Variants in NCKAP5 observed in about 807,000 individuals in gnomAD.
NCKAP5 encodes nck-associated protein 5.
In NCKAP5, 92 loss-of-function variants were observed where a neutral mutation model predicts 167.0. The ratio of observed to expected loss-of-function variants is 0.55; its 90% CI spans 0.47 to 0.66. The LOEUF (loss-of-function observed/expected upper bound fraction) is 0.66, where lower values mean the gene tolerates loss of function less well. Ranked by LOEUF, NCKAP5 falls within the 30% of genes least tolerant of loss-of-function variation. The pLI, the probability that NCKAP5 is intolerant of heterozygous loss-of-function variation, is 0.00. For synonymous variants in NCKAP5, 891 were observed against 877.4 expected, an observed-to-expected ratio of 1.02 and a Z score of -0.27; for missense variants, 2,378 against 2,315.0, an observed-to-expected ratio of 1.03 and a Z score of -0.56.
chr2:133,528,314 A>T (rs986642375), intron 2 of NCKAP5, among the ~76,000 whole-genome samples: 2 of 117,558 alleles, frequency 1.7e-5, no homozygotes, highest in Non-Finnish European at 3.4e-5. Context: ...CAAAACTTCA[A>T]TTACTGGGCC....
intron 6 of NCKAP5, among the ~76,000 whole-genome samples, chr2:133,004,162 A>G (rs1205286591): frequency 6.6e-6 from 1 of 152,224 alleles, no homozygotes; most frequent in Non-Finnish European, 1.5e-5. Context: ...TGTGCAAGTA[A>G]ATGCCACAAA....
chr2:133,089,564 G>A (rs914130450), intron 6 of NCKAP5, among the ~76,000 whole-genome samples: 1 of 152,168 alleles, frequency 6.6e-6, no homozygotes, highest in Non-Finnish European at 1.5e-5. Flanking sequence ...CACTTGTCAT[G>A]CTCTGAATAA....
intron 4 of NCKAP5, among the ~76,000 whole-genome samples, chr2:133,244,811 A>G (rs2087894515): frequency 6.6e-6 from 1 of 152,142 alleles, no homozygotes; most frequent in African/African-American, 2.4e-5. Context: ...ACAAAACTCA[A>G]TTCCTGAGGG....
chr2:133,403,407 C>T (rs1244578186), intron 3 of NCKAP5, among the ~76,000 whole-genome samples: 1 of 152,198 alleles, frequency 6.6e-6, no homozygotes, highest in Non-Finnish European at 1.5e-5. Context: ...TGCATGGCCA[C>T]AGGGTGTAGC....
At chr2:133,126,054 G>C (rs2082394438) in intron 6 of NCKAP5, among the ~76,000 whole-genome samples, 1 of 152,174 alleles carries the variant, frequency 6.6e-6, no homozygotes, top group South Asian at 2.1e-4. Flanking sequence ...GGCTTGCCTG[G>C]TGCCTTCAAG....
Position 132,895,142 on chromosome 2 carries a change from T to C in NCKAP5, c.580-16226A>G, listed in dbSNP as rs192285862. ...GTCAGGAGATGGAGACCTTCCTGGC[T>C]AACACGGTGAAACCCCGTCTCTACT... On this transcript the variant is annotated intron_variant, in intron 8 of 19. Transcript: ENST00000409261. 8.1e-3 allele frequency among the ~76,000 whole-genome samples: 1,233 copies of C among 151,966 alleles called. 30 individuals are homozygous for C. Among genetic ancestry groups the C allele is most frequent in the East Asian group, 0.066 (336 of 5,110 alleles).
chr2:133,648,372 G>T, the NCKAP5 span, among the ~76,000 whole-genome samples: 1 of 152,056 alleles, frequency 6.6e-6, no homozygotes, highest in Non-Finnish European at 1.5e-5. Context: ...GATCCGTAAG[G>T]AATCAGAGGA....
chr2:133,037,888 T>C (rs778154063), intron 6 of NCKAP5, among the ~76,000 whole-genome samples: 16 of 152,100 alleles, frequency 1.1e-4, no homozygotes, highest in Non-Finnish European at 1.9e-4. Context: ...ATCTACAAAC[T>C]ACCCCTCTGA....
At chr2:133,179,263 T>C (rs1483118771) in intron 5 of NCKAP5, among the ~76,000 whole-genome samples, 1 of 151,782 alleles carries the variant, frequency 6.6e-6, no homozygotes, top group African/African-American at 2.4e-5. Context: ...TTGCAGTTTG[T>C]ATTACACTTA....
At chr2:132,808,251 A>G (rs1322042219) in intron 11 of NCKAP5, among the ~76,000 whole-genome samples, 1 of 151,984 alleles carries the variant, frequency 6.6e-6, no homozygotes, top group Non-Finnish European at 1.5e-5. Context: ...TGGTTTTGGT[A>G]TTAGGGTGAT....
At chr2:133,116,652 A>G (rs529789800) in intron 6 of NCKAP5, among the ~76,000 whole-genome samples, 2 of 152,308 alleles carry the variant, frequency 1.3e-5, no homozygotes, top group South Asian at 4.2e-4. Context: ...AAACATAAAT[A>G]TTGCACTGAT....
the NCKAP5 span, among the ~76,000 whole-genome samples, chr2:133,613,536 T>C: frequency 2.6e-5 from 4 of 152,142 alleles, no homozygotes; most frequent in Non-Finnish European, 5.9e-5. Context: ...CACATTAGCT[T>C]GAAAATAGAA....
intron 6 of NCKAP5, among the ~76,000 whole-genome samples, chr2:133,032,356 T>C (rs1194073617): frequency 1.3e-5 from 2 of 152,076 alleles, no homozygotes; most frequent in Non-Finnish European, 2.9e-5. Context: ...TGGCAGTGGG[T>C]ATGGGTGAGG....
At chr2:133,531,925 G>A (rs551843365) in intron 2 of NCKAP5, among the ~76,000 whole-genome samples, 1 of 152,156 alleles carries the variant, frequency 6.6e-6, no homozygotes, top group Non-Finnish European at 1.5e-5. Flanking sequence ...AGATGTAGTT[G>A]TAGCCCCATT....
intron 11 of NCKAP5, among the ~76,000 whole-genome samples, chr2:132,826,880 C>T (rs1027576396): frequency 6.6e-6 from 1 of 152,066 alleles, no homozygotes; most frequent in South Asian, 2.1e-4. Flanking sequence ...TTTAACAAAC[C>T]CTCTGCAAGC....
intron 9 of NCKAP5, among the ~76,000 whole-genome samples, chr2:132,871,770 A>G (rs2148774394): frequency 6.7e-6 from 1 of 148,680 alleles, no homozygotes; most frequent in Middle Eastern, 3.5e-3. Context: ...ATGAGGTTAT[A>G]TTACCTAGAA....
At chr2:133,351,891 G>A (rs1312471576) in intron 3 of NCKAP5, among the ~76,000 whole-genome samples, 1 of 152,090 alleles carries the variant, frequency 6.6e-6, no homozygotes, top group Admixed American at 6.5e-5. Flanking sequence ...TTCCAAGTGG[G>A]CCTCTCTTCT....
chr2:133,656,061 A>G, the NCKAP5 span, among the ~76,000 whole-genome samples: 3 of 152,300 alleles, frequency 2.0e-5, no homozygotes, highest in East Asian at 5.8e-4. Flanking sequence ...TTTTAATGTT[A>G]TCTCCCTCTC....
chr2:132,776,723 A>G (rs188377735), intron 15 of NCKAP5, among the ~76,000 whole-genome samples: 13 of 152,346 alleles, frequency 8.5e-5, no homozygotes, highest in Admixed American at 8.5e-4. Context: ...GCCTATGGAA[A>G]TGAGGGGCAT....
Sources: gnomAD v4.1 joint callset for allele counts (sites outside exome capture counted in the v4.1 genomes callset) on GRCh38, gnomAD v4.1.1 for gene constraint, MANE v1.5 for transcripts, NCBI Gene and HGNC (gene_info 2026-07-23, HGNC 2026-07-21) for gene names.